CADPS2: variants seen among roughly 807,000 people sequenced by gnomAD.
The protein encoded by CADPS2 is calcium-dependent secretion activator 2.
In CADPS2, 93 loss-of-function variants were observed where a neutral mutation model predicts 172.5. The ratio of observed to expected loss-of-function variants is 0.54; its 90% confidence interval spans 0.46 to 0.64. The LOEUF (loss-of-function observed/expected upper bound fraction) is 0.64. Among genes scored for constraint, CADPS2 ranks in the 30% least tolerant of loss-of-function variants. CADPS2 has a pLI of 0.00. For synonymous variants in CADPS2, 546 were observed against 555.2 expected (o/e 0.98, Z 0.23); for missense variants, 1,420 against 1,565.9 (o/e 0.91, Z 1.57).
intron 8 of CADPS2, among the ~76,000 whole-genome samples, chr7:122,549,218 G>A (rs73717677): frequency 0.045 from 6,868 of 152,080 alleles, 518 homozygotes; most frequent in African/African-American, 0.16. Flanking sequence ...GCAACATAGC[G>A]AAACCCTGTC....
chr7:122,479,685 AG>A (rs1262017202), intron 12 of CADPS2, among the ~76,000 whole-genome samples: 7 of 152,230 alleles, frequency 4.6e-5, no homozygotes, highest in Admixed American at 3.9e-4. Context: ...ACAGAAACCT[AG>A]AATTACAAAT....
chr7:122,619,635 T>C (rs199582659), intron 5 of CADPS2, among the ~76,000 whole-genome samples: 2 of 147,386 alleles, frequency 1.4e-5, no homozygotes, highest in Admixed American at 6.8e-5. Flanking sequence ...TCCAAACAAA[T>C]AAATAAATAA....
At chr7:122,637,046 GTTTA>G (rs146732579) in intron 3 of CADPS2, among the ~76,000 whole-genome samples, 36,140 of 149,942 alleles carry the variant, frequency 0.24, 4,611 homozygotes, top group Middle Eastern at 0.31. Context: ...TTTTTAAATT[GTTTA>G]TTTATTTTTT....
chr7:122,676,308 G>A (rs1478040090), intron 2 of CADPS2, among the ~76,000 whole-genome samples: 1 of 152,138 alleles, frequency 6.6e-6, no homozygotes, highest in African/African-American at 2.4e-5. Context: ...TTTTATTAAT[G>A]GCACCTTAAA....
chr7:122,464,581 T>TG (rs2054890658), intron 14 of CADPS2, among the ~76,000 whole-genome samples: 1 of 152,162 alleles, frequency 6.6e-6, no homozygotes. Flanking sequence ...ACTACCAGGA[T>TG]GTCACGCGGA....
At chr7:122,765,785 A>T (rs2093530262) in intron 1 of CADPS2, among the ~76,000 whole-genome samples, 1 of 152,028 alleles carries the variant, frequency 6.6e-6, no homozygotes, top group Non-Finnish European at 1.5e-5. Flanking sequence ...TTTTATCTCT[A>T]TTTTATAGTT....
chr7:122,775,590 A>G (rs13227529), intron 1 of CADPS2, among the ~76,000 whole-genome samples: 1 of 152,050 alleles, frequency 6.6e-6, no homozygotes, highest in East Asian at 1.9e-4. Context: ...CCTCTGTGCC[A>G]TATTTCTTTT....
chr7:122,807,138 G>A (rs914094541), intron 1 of CADPS2, among the ~76,000 whole-genome samples: 1 of 151,898 alleles, frequency 6.6e-6, no homozygotes, highest in Admixed American at 6.5e-5. Context: ...GTGCATGCAG[G>A]GGGCATGTGC....
At chr7:122,357,907 T>A (rs2039627823) in intron 27 of CADPS2, among the ~76,000 whole-genome samples, 1 of 152,200 alleles carries the variant, frequency 6.6e-6, no homozygotes, top group Admixed American at 6.5e-5. Context: ...TGATTCCAGT[T>A]TGGGTGATTA....
intron 22 of CADPS2, 67 bp from the exon 23 acceptor site, chr7:122,388,805 T>G: frequency 7.3e-7 from 1 of 1,361,350 alleles, no homozygotes; most frequent in South Asian, 1.9e-5. Context: ...TAATACATTG[T>G]TTTTTCTTTT....
At chr7:122,412,026 G>T (rs1431387019) in intron 19 of CADPS2, among the ~76,000 whole-genome samples, 3 of 152,104 alleles carry the variant, frequency 2.0e-5, no homozygotes, top group Admixed American at 6.5e-5. Flanking sequence ...AAACATTTTT[G>T]GTAGAGCATT....
chr7:122,502,044 A>G (rs1413077338), intron 9 of CADPS2, among the ~76,000 whole-genome samples: 2 of 152,096 alleles, frequency 1.3e-5, no homozygotes, highest in Admixed American at 6.5e-5. Flanking sequence ...TTACCTCTTA[A>G]TTTCTGGCAA....
chr7:122,452,619 C>T (rs751801140), intron 14 of CADPS2, among the ~76,000 whole-genome samples: 1 of 152,156 alleles, frequency 6.6e-6, no homozygotes, highest in Non-Finnish European at 1.5e-5. Flanking sequence ...TGGTCTGGAA[C>T]TCCTGACCTC....
chr7:122,400,542 C>T (rs1563242351), intron 20 of CADPS2, among the ~76,000 whole-genome samples: 6 of 152,140 alleles, frequency 3.9e-5, no homozygotes. Flanking sequence ...AAGGTAGTGA[C>T]TCCTTGCTTT....
intron 9 of CADPS2, among the ~76,000 whole-genome samples, chr7:122,498,641 C>T (rs952606605): frequency 2.0e-5 from 3 of 152,078 alleles, no homozygotes; most frequent in African/African-American, 7.2e-5. Flanking sequence ...CTATTGCTTA[C>T]CCTGTCTATG....
At chr7:122,854,236 T>C (rs962145823) in intron 1 of CADPS2, among the ~76,000 whole-genome samples, 1 of 151,978 alleles carries the variant, frequency 6.6e-6, no homozygotes, top group Non-Finnish European at 1.5e-5. Context: ...GGGTGACTCG[T>C]GCCTGTAGTC....
At chr7:122,525,387 C>T (rs867277809) in intron 8 of CADPS2, among the ~76,000 whole-genome samples, 6 of 152,160 alleles carry the variant, frequency 3.9e-5, no homozygotes, top group African/African-American at 1.4e-4. Context: ...TCACAGATTT[C>T]CCTTCCCAAT....
chr7:122,579,099 AC>A (rs2132779429), intron 7 of CADPS2, among the ~76,000 whole-genome samples: 1 of 152,268 alleles, frequency 6.6e-6, no homozygotes, highest in Non-Finnish European at 1.5e-5. Context: ...ATCTGAATCT[AC>A]AAGAAAAATA....
intron 8 of CADPS2, among the ~76,000 whole-genome samples, chr7:122,553,862 C>T (rs761615015): frequency 1.3e-5 from 2 of 152,040 alleles, no homozygotes; most frequent in Non-Finnish European, 2.9e-5. Flanking sequence ...TGGGATTTGG[C>T]CATAGTAAGT....
Sources: gnomAD v4.1 joint callset for allele counts (sites outside exome capture counted in the v4.1 genomes callset) on GRCh38, gnomAD v4.1.1 for gene constraint, MANE v1.5 for transcripts, NCBI Gene and HGNC (gene_info 2026-07-23, HGNC 2026-07-21) for gene names.